The following SUCLG2 variants were observed in gnomAD, a reference collection of about 807,000 sequenced individuals.
SUCLG2 encodes the protein succinate-CoA ligase GDP-forming subunit beta.
A neutral mutation model predicts 47.9 loss-of-function variants in SUCLG2; 42 were observed. That is an observed-to-expected ratio of 0.88 (90% CI 0.69 to 1.14). SUCLG2 has a LOEUF of 1.14. Ranked by LOEUF, SUCLG2 falls within the 50% of genes most tolerant of loss-of-function variation. SUCLG2 has a pLI of 0.00. For missense variants in SUCLG2, 571 were observed against 525.9 expected (o/e 1.09, Z -0.84); for synonymous variants, 195 against 197.3 (o/e 0.99, Z 0.10).
chr3:67,599,873 C>T (rs1708379289), intron 2 of SUCLG2, among the ~76,000 whole-genome samples: 1 of 152,160 alleles, frequency 6.6e-6, no homozygotes, highest in East Asian at 1.9e-4. Context: ...TAAGGTAGAT[C>T]AAGTAACACA....
At chr3:67,608,065 T>C (rs1700456580) in intron 2 of SUCLG2, among the ~76,000 whole-genome samples, 1 of 152,188 alleles carries the variant, frequency 6.6e-6, no homozygotes, top group Non-Finnish European at 1.5e-5. Context: ...CTAAAGAAAC[T>C]GAGGCAAGGA....
chr3:67,568,202 G>A (rs561911093), intron 2 of SUCLG2, among the ~76,000 whole-genome samples: 14 of 152,234 alleles, frequency 9.2e-5, no homozygotes, highest in Non-Finnish European at 1.8e-4. Context: ...TGACACAAAA[G>A]ACAAGAGAAT....
intron 1 of SUCLG2, among the ~76,000 whole-genome samples, chr3:67,649,281 G>A (rs1219830922): frequency 6.6e-6 from 1 of 152,152 alleles, no homozygotes; most frequent in Non-Finnish European, 1.5e-5. Flanking sequence ...CAGGTTTATA[G>A]GCCAGTTGTA....
chr3:67,423,507 A>G (rs897596506), intron 9 of SUCLG2, among the ~76,000 whole-genome samples: 4 of 152,048 alleles, frequency 2.6e-5, no homozygotes, highest in South Asian at 2.1e-4. Flanking sequence ...AGACACTACA[A>G]TTCCCTCCTC....
At chr3:67,636,545 G>T (rs999837687) in intron 1 of SUCLG2, among the ~76,000 whole-genome samples, 1 of 152,036 alleles carries the variant, frequency 6.6e-6, no homozygotes, top group African/African-American at 2.4e-5. Flanking sequence ...GTAGAGACGG[G>T]GTTTCACCGT....
At chr3:67,408,860 C>T (rs1234819912) in intron 9 of SUCLG2, 2 of 1,433,568 alleles carry the variant, frequency 1.4e-6, no homozygotes, top group Middle Eastern at 1.8e-4. Context: ...TTAAGGCGGT[C>T]TTACTGTAAA....
At chr3:67,402,378 T>C (rs1327446965) in intron 9 of SUCLG2, among the ~76,000 whole-genome samples, 1 of 150,692 alleles carries the variant, frequency 6.6e-6, no homozygotes, top group Non-Finnish European at 1.5e-5. Flanking sequence ...AAATACAAAC[T>C]TATTGAAATT....
At chr3:67,489,926 T>G (rs1199890464) in intron 9 of SUCLG2, among the ~76,000 whole-genome samples, 1 of 152,170 alleles carries the variant, frequency 6.6e-6, no homozygotes, top group Non-Finnish European at 1.5e-5. Context: ...AAGCAGAAAG[T>G]TCTAGTTATC....
chr3:67,561,007 G>A (rs185138653), intron 2 of SUCLG2, among the ~76,000 whole-genome samples: 11 of 147,092 alleles, frequency 7.5e-5, no homozygotes, highest in Admixed American at 4.1e-4. Flanking sequence ...TAATACTAAC[G>A]CAATTGTGTA....
chr3:67,654,418 G>A (rs955693091), intron 1 of SUCLG2, 85 bp downstream of exon 1: 31 of 1,107,150 alleles, frequency 2.8e-5, no homozygotes, highest in South Asian at 1.8e-4. Flanking sequence ...GGGGTCAGGC[G>A]GAGACCAAGA....
chr3:67,502,523 G>A (rs1485834319), intron 7 of SUCLG2, among the ~76,000 whole-genome samples: 1 of 152,186 alleles, frequency 6.6e-6, no homozygotes, highest in Non-Finnish European at 1.5e-5. Flanking sequence ...TACTCTAGGT[G>A]TTGGTGGCAG....
At chr3:67,446,720 T>C (rs528673032) in intron 9 of SUCLG2, among the ~76,000 whole-genome samples, 2 of 151,964 alleles carry the variant, frequency 1.3e-5, no homozygotes, top group South Asian at 2.1e-4. Context: ...GCGTAAGCTA[T>C]TGCACCCAGC....
At chr3:67,648,093 T>A (rs558240840) in intron 1 of SUCLG2, among the ~76,000 whole-genome samples, 24 of 152,338 alleles carry the variant, frequency 1.6e-4, no homozygotes, top group African/African-American at 5.5e-4. Flanking sequence ...TTAAATATCA[T>A]CTTATTTAAT....
At chr3:67,604,665 T>C (rs1708490398) in intron 2 of SUCLG2, among the ~76,000 whole-genome samples, 1 of 150,944 alleles carries the variant, frequency 6.6e-6, no homozygotes, top group Non-Finnish European at 1.5e-5. Flanking sequence ...AAGAGAAGGT[T>C]TGAAGCAACC....
chr3:67,636,959 A>G (rs1347167619), intron 1 of SUCLG2, among the ~76,000 whole-genome samples: 4 of 152,142 alleles, frequency 2.6e-5, no homozygotes, highest in Non-Finnish European at 5.9e-5. Flanking sequence ...AGGGAGCTGT[A>G]GAAAGTAAGA....
intron 9 of SUCLG2, among the ~76,000 whole-genome samples, chr3:67,453,905 C>T (rs557461767): frequency 8.5e-5 from 13 of 152,230 alleles, no homozygotes; most frequent in East Asian, 5.8e-4. Context: ...CAGAATGCCA[C>T]GATGTACTTG....
At chr3:67,580,290 T>C (rs1462490838) in intron 2 of SUCLG2, among the ~76,000 whole-genome samples, 3 of 152,192 alleles carry the variant, frequency 2.0e-5, no homozygotes, top group Non-Finnish European at 4.4e-5. Flanking sequence ...GATACAGCCA[T>C]GTTTCGTGGC....
chr3:67,475,440 C>A (rs60604204), intron 9 of SUCLG2, among the ~76,000 whole-genome samples: 10,387 of 152,178 alleles, frequency 0.068, 430 homozygotes, highest in East Asian at 0.2. Context: ...AGAGCACATC[C>A]CCAAAGAGGC....
rs185270171 is a variant in SUCLG2, at chr3:67,386,231, G to A, written c.1184-10372C>T. Among the ~76,000 whole-genome samples the A allele has an allele frequency of 5.2e-3, 795 of 151,566 alleles. 12 individuals carry two copies. The East Asian group carries it at 0.06, about 11-fold the overall frequency. On this transcript the variant is annotated intron_variant, in intron 10 of 10. Coordinates refer to ENST00000307227, the MANE Select transcript of SUCLG2 (RefSeq NM_003848.4). ...AGCCTCCCAAGTAGTTGGGACTACA[G>A]GCGCCCGCCACCACGCCCGGCTAAT...
Sources: gnomAD v4.1 joint callset for allele counts (sites outside exome capture counted in the v4.1 genomes callset) on GRCh38, gnomAD v4.1.1 for gene constraint, MANE v1.5 for transcripts, NCBI Gene and HGNC (gene_info 2026-07-23, HGNC 2026-07-21) for gene names.